The following EML4 variants were observed in gnomAD, a reference collection of about 807,000 sequenced individuals.
EML4 encodes the protein echinoderm microtubule-associated protein-like 4.
EML4 carries 72 observed loss-of-function variants against 129.0 expected under a neutral mutation model. The ratio of observed to expected loss-of-function variants is 0.56; its 90% confidence interval spans 0.46 to 0.68. EML4 has a LOEUF of 0.68. Among genes scored for constraint, EML4 ranks in the 30% least tolerant of loss-of-function variants. EML4 has a pLI of 0.00. For missense variants in EML4, 1,363 were observed against 1,190.6 expected (o/e 1.14, Z -2.13); for synonymous variants, 532 against 405.0 (o/e 1.31, Z -3.77).
intron 9 of EML4, 77 bp from the exon 10 acceptor site, chr2:42,286,192 T>C: frequency 1.2e-6 from 1 of 835,674 alleles, no homozygotes. Context: ...CTTTTTTAAA[T>C]GGCATTAGTT....
intron 1 of EML4, among the ~76,000 whole-genome samples, chr2:42,237,522 T>C (rs1464121152): frequency 6.6e-6 from 1 of 152,162 alleles, no homozygotes; most frequent in East Asian, 1.9e-4. Flanking sequence ...AATATATGGT[T>C]CACCCTTGAA....
chr2:42,251,355 G>A (rs1286994102), intron 2 of EML4, among the ~76,000 whole-genome samples: 1 of 152,232 alleles, frequency 6.6e-6, no homozygotes, highest in Non-Finnish European at 1.5e-5. Context: ...TGCAGTGCAT[G>A]ACTGTATATT....
chr2:42,254,193 G>T (rs917580043), intron 2 of EML4, among the ~76,000 whole-genome samples: 1 of 152,116 alleles, frequency 6.6e-6, no homozygotes, highest in Non-Finnish European at 1.5e-5. Flanking sequence ...AGTGGCTCAC[G>T]CTTATAATCT....
chr2:42,296,588 A>G (rs757962419), intron 13 of EML4, among the ~76,000 whole-genome samples: 6 of 152,144 alleles, frequency 3.9e-5, no homozygotes, highest in Non-Finnish European at 5.9e-5. Flanking sequence ...CCCGATTTAC[A>G]TATCTGCCTT....
chr2:42,236,395 T>C lies in EML4; in HGVS notation c.26-9110T>C, dbSNP rs577964367. On this transcript the variant is annotated intron_variant, in intron 1 of 22. Transcript: ENST00000318522. ...GCTGCTGTGAATATTCTTGGACATG[T>C]CTTTTGATGTATGTATGTCTGCAGG... 2.6e-5 allele frequency among the ~76,000 whole-genome samples: 4 copies of C among 152,330 alleles called. No homozygotes were observed. The East Asian group carries it at 7.7e-4, about 29-fold the overall frequency.
In EML4 at chr2:42,303,223, A is replaced by G; in HGVS notation, c.1761A>G (p.Glu587=). Residue 587 remains glutamate, a synonymous_variant, in exon 15 of 23, where the codon GAA becomes GAG. Coordinates refer to ENST00000318522, the MANE Select transcript of EML4 (RefSeq NM_019063.5). The stretch of plus-strand genomic sequence containing the variant: ...CATTTAATGATGGCTTCCAAATAGA[A>G]GTACAGGTAAGCTGTGTGATATTAA... ...RGTFNDGFQI[E]VQGHTDELWG... is the part of the protein sequence containing the mutation. 6.2e-7 allele frequency: 1 copy of G among 1,614,206 alleles called. No homozygotes were observed. Among genetic ancestry groups the G allele is most frequent in the Non-Finnish European group, 8.5e-7 (1 of 1,180,038 alleles).
intron 1 of EML4, among the ~76,000 whole-genome samples, chr2:42,230,899 C>G (rs551437639): frequency 2.7e-4 from 41 of 152,376 alleles, no homozygotes; most frequent in African/African-American, 8.7e-4. Context: ...ATCTCTAACG[C>G]TGGAGCTCTG....
At chr2:42,311,215 C>G (rs1572738012) in intron 17 of EML4, among the ~76,000 whole-genome samples, 2 of 152,142 alleles carry the variant, frequency 1.3e-5, no homozygotes, top group East Asian at 1.9e-4. Flanking sequence ...CATAGTTTTC[C>G]TAGGAAGATT....
At chr2:42,313,903 C>A (rs1344611439) in intron 17 of EML4, among the ~76,000 whole-genome samples, 1 of 150,708 alleles carries the variant, frequency 6.6e-6, no homozygotes, top group Non-Finnish European at 1.5e-5. Flanking sequence ...ACTCCATCCA[C>A]TCCAGTCTGG....
Position 42,261,141 on chromosome 2 carries a change from A to G in EML4, c.359A>G (p.Glu120Gly). Reference protein sequence around the residue: ...AAKSGTEKKKEKPQGQREKKE... With the variant: ...AAKSGTEKKKGKPQGQREKKE... ...TACAGTGGTACAGAAAAAAAGAAAG[A>G]AAAACCACAAGGACAGAGAGAAAAA... Residue 120 changes from glutamate (E) to glycine (G), a missense_variant, in exon 4 of 23, where the codon GAA (glutamate) becomes GGA (glycine). Glu to Gly is a moderately conservative substitution (Grantham distance 98, BLOSUM62 -2). Coordinates refer to ENST00000318522, the MANE Select transcript of EML4 (RefSeq NM_019063.5). The G allele has an allele frequency of 1.2e-6, 2 of 1,610,094 alleles. No individual in the cohort carries two copies. The highest frequency in any genetic ancestry group is 2.2e-5 in the South Asian group (2 of 90,756).
chr2:42,281,876 C>T (rs1227731804), intron 7 of EML4, among the ~76,000 whole-genome samples: 1 of 152,172 alleles, frequency 6.6e-6, no homozygotes, highest in African/African-American at 2.4e-5. Flanking sequence ...CCTCCATTCT[C>T]CTGCACTTCC....
At chr2:42,265,949 C>T (rs974635800) in intron 6 of EML4, among the ~76,000 whole-genome samples, 1 of 152,146 alleles carries the variant, frequency 6.6e-6, no homozygotes, top group African/African-American at 2.4e-5. Flanking sequence ...CTTTAGATTG[C>T]CTGCAAATTT....
At chr2:42,317,692 G>C (rs1392066021) in intron 19 of EML4, among the ~76,000 whole-genome samples, 168 bp downstream of exon 19, 1 of 152,188 alleles carries the variant, frequency 6.6e-6, no homozygotes, top group Non-Finnish European at 1.5e-5. Flanking sequence ...AGAGTTCCCT[G>C]TGTGCTCTAA....
chr2:42,186,288 T>A (rs140985751), intron 1 of EML4, among the ~76,000 whole-genome samples: 1 of 152,314 alleles, frequency 6.6e-6, no homozygotes, highest in East Asian at 1.9e-4. Context: ...GGTTTGTTCG[T>A]TCTGGATCCA....
intron 11 of EML4, among the ~76,000 whole-genome samples, chr2:42,291,159 G>C (rs1667619502): frequency 6.6e-6 from 1 of 152,114 alleles, no homozygotes. Flanking sequence ...TCAGTGAATG[G>C]TGCTGGCTTA....
chr2:42,202,207 C>G (rs1003733416), intron 1 of EML4, among the ~76,000 whole-genome samples: 2 of 152,094 alleles, frequency 1.3e-5, no homozygotes, highest in Non-Finnish European at 2.9e-5. Context: ...GAAATAGATC[C>G]TGGTGATCTA....
intron 9 of EML4, among the ~76,000 whole-genome samples, chr2:42,285,102 T>C (rs968233097): frequency 2.6e-5 from 4 of 151,894 alleles, no homozygotes; most frequent in Non-Finnish European, 5.9e-5. Flanking sequence ...AGGGGTGGAA[T>C]CTCACTTCGT....
intron 3 of EML4, among the ~76,000 whole-genome samples, chr2:42,259,207 A>G (rs1348157361): frequency 6.6e-6 from 1 of 151,494 alleles, no homozygotes; most frequent in Middle Eastern, 3.2e-3. Flanking sequence ...AGATCATACC[A>G]CTGCACTCCA....
At chr2:42,183,109 C>T (rs183452131) in intron 1 of EML4, among the ~76,000 whole-genome samples, 224 of 152,170 alleles carry the variant, frequency 1.5e-3, no homozygotes, top group African/African-American at 5.1e-3. Context: ...GAGCTGAGAT[C>T]GCACCACTGA....
Sources: gnomAD v4.1 joint callset for allele counts (sites outside exome capture counted in the v4.1 genomes callset) on GRCh38, gnomAD v4.1.1 for gene constraint, MANE v1.5 for transcripts, NCBI Gene and HGNC (gene_info 2026-07-23, HGNC 2026-07-21) for gene names.